Variants in PCM1 observed in about 807,000 individuals in gnomAD.
PCM1 encodes pericentriolar material 1 protein.
Under a neutral mutation model 241.9 loss-of-function variants are expected in PCM1, and 157 were observed. The observed-to-expected ratio is 0.65, with a 90% CI of 0.57 to 0.74. The LOEUF (loss-of-function observed/expected upper bound fraction) is 0.74, where lower values mean the gene tolerates loss of function less well. PCM1 is among the 30% of genes least tolerant of loss of function. The probability of loss-of-function intolerance (pLI) is 0.00; values close to 1 mark genes in which losing one functional copy is unlikely to be tolerated. For missense variants in PCM1, 3,478 were observed against 2,360.1 expected, an observed-to-expected ratio of 1.47 and a Z score of -9.81; for synonymous variants, 1,085 against 784.9, an observed-to-expected ratio of 1.38 and a Z score of -6.39.
In PCM1 at chr8:18,009,604, G is replaced by A; in HGVS notation, c.5020G>A (p.Val1674Ile). 1 of 1,602,134 alleles carries A rather than the reference G, an allele frequency of 6.2e-7. No individual in the cohort carries two copies. Among genetic ancestry groups the A allele is most frequent in the Non-Finnish European group, 8.5e-7 (1 of 1,173,788 alleles). The change falls in exon 31 of 39, where the codon GTA (valine) becomes ATA (isoleucine). Residue 1674 changes from valine to isoleucine, a missense_variant. Coordinates refer to ENST00000325083, the MANE Select transcript of PCM1 (RefSeq NM_006197.4). Reference sequence around the variant, plus strand: ...GAAAGACTGTGGAGAAGATCTTCTTGTAGAGATATCTGAAGTGTTGTTCAA... The same window carrying A: ...GAAAGACTGTGGAGAAGATCTTCTTATAGAGATATCTGAAGTGTTGTTCAA... ...KLKDCGEDLL[V>I]EISEVLFNEL...
intron 28 of PCM1, among the ~76,000 whole-genome samples, chr8:17,992,640 A>G (rs1260804480): frequency 7.3e-6 from 1 of 136,544 alleles, no homozygotes; most frequent in Non-Finnish European, 1.6e-5. Context: ...TAATTTGAGC[A>G]CAGTCTTGCT....
intron 29 of PCM1, among the ~76,000 whole-genome samples, chr8:18,000,955 G>A (rs994727216): frequency 6.6e-6 from 1 of 152,312 alleles, no homozygotes. Flanking sequence ...TTAGACAATC[G>A]TAGAGAGGTC....
rs369925482 is a variant in PCM1, at chr8:18,006,427, A to G, written c.4962+30A>G. On this transcript the variant is annotated intron_variant, in intron 30 of 38. Transcript: ENST00000325083. Reference sequence around the variant, plus strand: ...GAGTTTATACTTGTATGATTTACCAATATGTACTGTGTGGTAAGGTTTTTT... The same window carrying G: ...GAGTTTATACTTGTATGATTTACCAGTATGTACTGTGTGGTAAGGTTTTTT... 50 of 1,525,388 alleles carry G rather than the reference A, an allele frequency of 3.3e-5. 1 individual carries two copies. Among genetic ancestry groups the G allele is most frequent in the South Asian group, 1.5e-4 (13 of 88,352 alleles). 94.5% of individuals were successfully genotyped at this position (1,525,388 alleles called of 1,614,324 possible). A position where few individuals can be genotyped will look rare whatever the true frequency, so the allele number is the denominator to read the frequency against.
chr8:17,958,822 AGCGATTCTTCT>A (rs1014011133), intron 13 of PCM1, among the ~76,000 whole-genome samples: 1 of 152,086 alleles, frequency 6.6e-6, no homozygotes, highest in Non-Finnish European at 1.5e-5. Context: ...CCCGGGTTCA[AGCGATTCTTCT>A]GCCTCAGCCT....
intron 2 of PCM1, among the ~76,000 whole-genome samples, chr8:17,930,712 A>G (rs554105211): frequency 2.0e-5 from 3 of 151,896 alleles, no homozygotes; most frequent in Non-Finnish European, 4.4e-5. Flanking sequence ...CCCTGTCTCT[A>G]CTAAAGATAC....
At chr8:17,959,073 T>G (rs927325219) in intron 13 of PCM1, among the ~76,000 whole-genome samples, 4 of 152,182 alleles carry the variant, frequency 2.6e-5, no homozygotes, top group Admixed American at 6.5e-5. Flanking sequence ...TCACTGAAGT[T>G]GCTAGGCCTT....
chr8:17,984,498 A>T (rs959795667), intron 24 of PCM1, among the ~76,000 whole-genome samples: 2 of 151,992 alleles, frequency 1.3e-5, no homozygotes, highest in African/African-American at 4.8e-5. Context: ...TATAATTAAT[A>T]TATTTTTCTA....
At chr8:18,023,493 A>G (rs181714592) in intron 36 of PCM1, among the ~76,000 whole-genome samples, 32 of 152,342 alleles carry the variant, frequency 2.1e-4, no homozygotes, top group African/African-American at 6.5e-4. Context: ...GAGATGAGTC[A>G]TTTGGTCTCA....
chr8:17,952,155 G>T (rs113983393), intron 8 of PCM1, among the ~76,000 whole-genome samples: 1 of 151,842 alleles, frequency 6.6e-6, no homozygotes, highest in African/African-American at 2.4e-5. Context: ...CCCAGGAGGC[G>T]GAGGTTTCAG....
chr8:17,988,835 C>T (rs2083466690), intron 26 of PCM1, among the ~76,000 whole-genome samples: 1 of 151,900 alleles, frequency 6.6e-6, no homozygotes, highest in African/African-American at 2.4e-5. Flanking sequence ...GAATGTGGAA[C>T]AGTTGGAACT....
At chr8:17,940,325 GTT>G (rs1194309761) in intron 6 of PCM1, among the ~76,000 whole-genome samples, 1 of 152,188 alleles carries the variant, frequency 6.6e-6, no homozygotes, top group Non-Finnish European at 1.5e-5. Flanking sequence ...AAACACGGAA[GTT>G]AAGTTTTATT....
At chr8:17,992,915 C>A (rs1022152987) in intron 28 of PCM1, among the ~76,000 whole-genome samples, 2 of 149,382 alleles carry the variant, frequency 1.3e-5, no homozygotes, top group Non-Finnish European at 3.0e-5. Flanking sequence ...CCACACTTGG[C>A]CTTAGCCCAC....
chr8:17,964,947 A>G (rs1483898883), intron 18 of PCM1, among the ~76,000 whole-genome samples, 179 bp downstream of exon 18: 1 of 152,092 alleles, frequency 6.6e-6, no homozygotes, highest in African/African-American at 2.4e-5. Flanking sequence ...GTTCAGTAAG[A>G]CTGCCCTCAC....
At chr8:18,019,821 G>C (rs1350147526) in intron 36 of PCM1, among the ~76,000 whole-genome samples, 1 of 152,172 alleles carries the variant, frequency 6.6e-6, no homozygotes, top group Non-Finnish European at 1.5e-5. Flanking sequence ...CTGGTACTGG[G>C]GGTTGCAGAT....
At chr8:17,988,391 C>G (rs976274337) in intron 26 of PCM1, among the ~76,000 whole-genome samples, 2 of 151,754 alleles carry the variant, frequency 1.3e-5, no homozygotes, top group African/African-American at 2.4e-5. Context: ...CACCATCACA[C>G]TATACACAAA....
Position 17,947,241 on chromosome 8 carries a change from A to G in PCM1, c.839A>G (p.His280Arg), listed in dbSNP as rs1453611642. 5.0e-6 allele frequency: 8 copies of G among 1,611,382 alleles called. No homozygotes were observed. Among genetic ancestry groups the G allele is most frequent in the Non-Finnish European group, 5.1e-6 (6 of 1,177,908 alleles). Reference sequence around the variant, plus strand: ...GAGATAGAAAATTTGAAGAAACAACATGATTTATTAAAAAGAATGTTACAA... The same window carrying G: ...GAGATAGAAAATTTGAAGAAACAACGTGATTTATTAAAAAGAATGTTACAA... ...MEEIENLKKQ[H>R]DLLKRMLQQQ... is the part of the protein sequence containing the mutation. The change falls in exon 7 of 39, where the codon CAT becomes CGT. Residue 280 changes from histidine (H) to arginine (R), a missense_variant. Coordinates refer to ENST00000325083, the MANE Select transcript of PCM1 (RefSeq NM_006197.4).
chr8:18,001,340 C>T (rs140165521), intron 29 of PCM1, among the ~76,000 whole-genome samples: 1 of 152,192 alleles, frequency 6.6e-6, no homozygotes, highest in East Asian at 1.9e-4. Context: ...TTTTGTTTCT[C>T]TAGAAACAAT....
At chr8:17,996,826 CT>C (rs1163611206) in intron 29 of PCM1, among the ~76,000 whole-genome samples, 1 of 152,080 alleles carries the variant, frequency 6.6e-6, no homozygotes, top group African/African-American at 2.4e-5. Flanking sequence ...TGTTTCCCTG[CT>C]TTTTAACTCT....
At chr8:17,945,059 C>T (rs1055860638) in intron 6 of PCM1, among the ~76,000 whole-genome samples, 2 of 151,846 alleles carry the variant, frequency 1.3e-5, no homozygotes, top group Non-Finnish European at 2.9e-5. Flanking sequence ...TTTGTTTTAC[C>T]CCTTCCATTG....
Sources: gnomAD v4.1 joint callset for allele counts (sites outside exome capture counted in the v4.1 genomes callset) on GRCh38, gnomAD v4.1.1 for gene constraint, MANE v1.5 for transcripts, NCBI Gene and HGNC (gene_info 2026-07-23, HGNC 2026-07-21) for gene names.